The following GRM5 variants were observed in gnomAD, a reference collection of about 807,000 sequenced individuals.
The protein encoded by GRM5 is metabotropic glutamate receptor 5.
GRM5 carries 19 observed loss-of-function variants against 83.1 expected under a neutral mutation model. The observed-to-expected ratio is 0.23, with a 90% confidence interval of 0.16 to 0.34. GRM5 has a LOEUF of 0.34. Among genes scored for constraint, GRM5 ranks in the 10% least tolerant of loss-of-function variants. The probability of loss-of-function intolerance (pLI) is 1.00; values close to 1 mark genes in which losing one functional copy is unlikely to be tolerated. For missense variants in GRM5, 1,160 were observed against 1,588.3 expected (o/e 0.73, Z 4.58); for synonymous variants, 675 against 633.6 (o/e 1.07, Z -0.98).
At chr11:88,939,174 A>G (rs1938001498) in intron 2 of GRM5, among the ~76,000 whole-genome samples, 1 of 151,714 alleles carries the variant, frequency 6.6e-6, no homozygotes, top group South Asian at 2.1e-4. Flanking sequence ...TCTTGAGATC[A>G]CCAAATATAT....
intron 4 of GRM5, among the ~76,000 whole-genome samples, chr11:88,634,688 T>C (rs1448078858): frequency 1.3e-5 from 2 of 152,186 alleles, no homozygotes; most frequent in African/African-American, 4.8e-5. Flanking sequence ...CAGTTGACTT[T>C]TTATTTCTTA....
chr11:89,007,553 A>T (rs1193254621), intron 2 of GRM5, among the ~76,000 whole-genome samples: 1 of 152,204 alleles, frequency 6.6e-6, no homozygotes, highest in Non-Finnish European at 1.5e-5. Context: ...AAGGGAGAAA[A>T]GTGATGCTGG....
At chr11:89,056,780 G>A (rs1312865891) in intron 1 of GRM5, among the ~76,000 whole-genome samples, 1 of 152,084 alleles carries the variant, frequency 6.6e-6, no homozygotes, top group Admixed American at 6.6e-5. Context: ...TGTATTAATA[G>A]TTTGATTATA....
At chr11:88,716,349 G>A (rs1054816736) in intron 3 of GRM5, among the ~76,000 whole-genome samples, 2 of 151,848 alleles carry the variant, frequency 1.3e-5, no homozygotes, top group Non-Finnish European at 2.9e-5. Context: ...TTGCTTAAGC[G>A]ATGATTATTA....
At chr11:88,798,193 A>T (rs1943318972) in intron 3 of GRM5, among the ~76,000 whole-genome samples, 1 of 152,022 alleles carries the variant, frequency 6.6e-6, no homozygotes, top group Admixed American at 6.6e-5. Context: ...GTGTTGAGTG[A>T]TATTTAGCTT....
intron 2 of GRM5, among the ~76,000 whole-genome samples, chr11:88,975,888 A>C (rs1939319630): frequency 6.6e-6 from 1 of 152,202 alleles, no homozygotes; most frequent in Admixed American, 6.5e-5. Flanking sequence ...TATAAAATGG[A>C]GATCATAATA....
chr11:89,054,192 T>C (rs746359364), intron 1 of GRM5, among the ~76,000 whole-genome samples: 1 of 152,122 alleles, frequency 6.6e-6, no homozygotes, highest in Non-Finnish European at 1.5e-5. Context: ...GGATTGGAGA[T>C]ACGGTAAGTA....
rs1361223588 is a variant in GRM5 at position 88,537,694 on chromosome 11, A to G, written c.2631-12290T>C. ...CAACCTTCTATCTATCTATATATGT[A>G]AATATATTGGAATGATTTACTAGAT... On this transcript the variant is annotated intron_variant, in intron 8 of 9. Coordinates refer to ENST00000305447, the MANE Select transcript of GRM5 (RefSeq NM_001143831.3). Among the ~76,000 whole-genome samples, 3 of 152,184 alleles carry G rather than the reference A, an allele frequency of 2.0e-5. No homozygotes were observed. The East Asian group carries it at 5.8e-4, about 29-fold the overall frequency.
intron 4 of GRM5, among the ~76,000 whole-genome samples, chr11:88,646,896 C>CAAAAAAAA (rs143740677): frequency 7.1e-6 from 1 of 139,888 alleles, no homozygotes. Flanking sequence ...GTTGCCATTA[C>CAAAAAAAA]AAAAAAAAAA....
intron 3 of GRM5, among the ~76,000 whole-genome samples, chr11:88,691,955 A>G (rs1250040575): frequency 1.3e-5 from 2 of 152,216 alleles, no homozygotes; most frequent in Non-Finnish European, 2.9e-5. Flanking sequence ...CTTGCTTAGC[A>G]TGGCCTATGG....
intron 2 of GRM5, among the ~76,000 whole-genome samples, chr11:88,929,033 C>G (rs1279082689): frequency 6.6e-6 from 1 of 151,722 alleles, no homozygotes; most frequent in Non-Finnish European, 1.5e-5. Context: ...CTCTTTCTCT[C>G]ACCAAAAAAG....
chr11:89,048,401 T>C (rs570154935), intron 1 of GRM5, among the ~76,000 whole-genome samples: 4 of 152,190 alleles, frequency 2.6e-5, no homozygotes, highest in African/African-American at 9.6e-5. Flanking sequence ...AACTACGCCA[T>C]GAACAGAAAA....
At chr11:88,946,866 T>G (rs1183181773) in intron 2 of GRM5, among the ~76,000 whole-genome samples, 1 of 152,076 alleles carries the variant, frequency 6.6e-6, no homozygotes, top group Non-Finnish European at 1.5e-5. Flanking sequence ...CAGGATGGCA[T>G]TCACATTACT....
chr11:88,969,202 C>A (rs1565313800), intron 2 of GRM5, among the ~76,000 whole-genome samples: 1 of 151,932 alleles, frequency 6.6e-6, no homozygotes, highest in Non-Finnish European at 1.5e-5. Flanking sequence ...ACCTAAAACA[C>A]CTATGCTTTA....
At chr11:88,949,962 T>A (rs1938404743) in intron 2 of GRM5, among the ~76,000 whole-genome samples, 1 of 151,958 alleles carries the variant, frequency 6.6e-6, no homozygotes, top group African/African-American at 2.4e-5. Flanking sequence ...GCTCCTGGGC[T>A]CAAGTGATTA....
intron 3 of GRM5, among the ~76,000 whole-genome samples, chr11:88,782,794 T>G (rs1263735720): frequency 2.6e-5 from 4 of 152,058 alleles, no homozygotes; most frequent in Non-Finnish European, 5.9e-5. Flanking sequence ...AGCTGACGGG[T>G]TGTTGTTCTG....
At chr11:88,551,730 G>C (rs1266070277) in intron 8 of GRM5, among the ~76,000 whole-genome samples, 1 of 152,080 alleles carries the variant, frequency 6.6e-6, no homozygotes, top group Non-Finnish European at 1.5e-5. Context: ...ATCAGTATAG[G>C]GGTCTAATAA....
At chr11:88,592,307 G>A (rs967016619) in intron 6 of GRM5, among the ~76,000 whole-genome samples, 1 of 152,142 alleles carries the variant, frequency 6.6e-6, no homozygotes, top group Non-Finnish European at 1.5e-5. Flanking sequence ...ACAGTGATTT[G>A]TAAAGTGTAG....
At chr11:88,983,948 T>A (rs1175769005) in intron 2 of GRM5, among the ~76,000 whole-genome samples, 3 of 152,102 alleles carry the variant, frequency 2.0e-5, no homozygotes, top group African/African-American at 7.2e-5. Flanking sequence ...AAATAAAAAC[T>A]TTTAAAAATA....
Sources: allele counts gnomAD v4.1 joint callset (sites outside exome capture counted in the v4.1 genomes callset), GRCh38; gene constraint gnomAD v4.1.1; transcripts MANE v1.5; gene names NCBI Gene and HGNC (gene_info 2026-07-23, HGNC 2026-07-21).